SOHLH1: variants seen among roughly 807,000 people sequenced by gnomAD.
The protein encoded by SOHLH1 is spermatogenesis- and oogenesis-specific basic helix-loop-helix-containing protein 1.
In SOHLH1, 23 loss-of-function variants were observed where a neutral mutation model predicts 36.2. The ratio of observed to expected loss-of-function variants is 0.64; its 90% CI spans 0.46 to 0.90. SOHLH1 has a LOEUF of 0.90. Ranked by LOEUF, SOHLH1 falls within the 40% of genes least tolerant of loss-of-function variation. SOHLH1 has a pLI of 0.00. For synonymous variants in SOHLH1, 289 were observed against 228.3 expected (o/e 1.27, Z -2.40); for missense variants, 608 against 517.0 (o/e 1.18, Z -1.71).
upstream of SOHLH1, among the ~76,000 whole-genome samples, chr9:135,701,553 C>T (rs1432460833): frequency 6.6e-6 from 1 of 152,252 alleles, no homozygotes; most frequent in Non-Finnish European, 1.5e-5. Flanking sequence ...GCTTCCTAGT[C>T]TTTGGCCTGC....
upstream of SOHLH1, among the ~76,000 whole-genome samples, chr9:135,700,739 C>T (rs964421363): frequency 3.3e-5 from 5 of 152,102 alleles, no homozygotes; most frequent in African/African-American, 9.7e-5. Context: ...ATCCCTGCTC[C>T]GCCCAGCCTT....
intron 5 of SOHLH1, among the ~76,000 whole-genome samples, chr9:135,696,275 A>G (rs958887252): frequency 6.6e-6 from 1 of 151,246 alleles, no homozygotes; most frequent in Non-Finnish European, 1.5e-5. Flanking sequence ...CAGGGAGGAG[A>G]AGATCAGGCC....
chr9:135,696,548 C>T (rs1295000064), intron 5 of SOHLH1, 64 bp downstream of exon 5: 1 of 1,583,220 alleles, frequency 6.3e-7, no homozygotes. Context: ...GTTCTTAGGG[C>T]TAAAGCACAG....
rs1834669599 is a variant in SOHLH1 at position 135,693,460 on chromosome 9, C to T, written c.*137G>A. 1 of 1,234,318 alleles carries T rather than the reference C, an allele frequency of 8.1e-7. No homozygotes were observed. The highest frequency in any genetic ancestry group is 1.5e-5 in the African/African-American group (1 of 65,890). 76.5% of individuals were successfully genotyped at this position (1,234,318 alleles called of 1,614,324 possible). On this transcript the variant is annotated 3_prime_UTR_variant, in exon 8 of 8. Coordinates refer to ENST00000425225, the MANE Select transcript of SOHLH1 (RefSeq NM_001101677.2). ...CCTCTTTAATATTCACTATCCTCTT[C>T]TCACAGCCTGTAAGCCTCGCTCAAA...
At chr9:135,697,480 G>A in intron 4 of SOHLH1, 26 bp downstream of exon 4, 3 of 1,603,560 alleles carry the variant, frequency 1.9e-6, no homozygotes, top group Non-Finnish European at 2.5e-6. Flanking sequence ...CCCAGCCCTG[G>A]AGAGCGGGCC....
At chr9:135,697,359 A>C (rs1834844798) in intron 4 of SOHLH1, 147 bp downstream of exon 4, 2 of 1,202,762 alleles carry the variant, frequency 1.7e-6, no homozygotes, top group African/African-American at 3.0e-5. Context: ...TGGCCACCTG[A>C]GTTGGCAGGG....
chr9:135,695,190 A>C lies in SOHLH1; in HGVS notation c.735T>G (p.Pro245=). The C allele has an allele frequency of 6.2e-7, 1 of 1,604,774 alleles. No homozygotes were observed. The highest frequency in any genetic ancestry group is 8.5e-7 in the Non-Finnish European group (1 of 1,177,290). ...PKAVRPPLSW[P]PFSQQQTLPV... Reference sequence around the variant, plus strand: ...GCAAGGTCTGCTGCTGCGAGAACGGAGGCCAGGACAGGGGTGGCCTCACAG... The same window carrying C: ...GCAAGGTCTGCTGCTGCGAGAACGGCGGCCAGGACAGGGGTGGCCTCACAG... Residue 245 remains proline (P), a synonymous_variant, in exon 6 of 8, where the codon CCT becomes CCG. Coordinates refer to ENST00000425225, the MANE Select transcript of SOHLH1 (RefSeq NM_001101677.2).
At chr9:135,697,861 G>C (rs1834868382) in intron 3 of SOHLH1, among the ~76,000 whole-genome samples, 1 of 152,068 alleles carries the variant, frequency 6.6e-6, no homozygotes, top group Non-Finnish European at 1.5e-5. Context: ...CAAATGCTGG[G>C]ACCCCTGACC....
rs1218949195 is a variant in SOHLH1, at chr9:135,699,409, C to T, written c.59G>A (p.Gly20Glu). The T allele has an allele frequency of 6.2e-7, 1 of 1,611,682 alleles. No individual in the cohort carries two copies. The highest frequency in any genetic ancestry group is 1.3e-5 in the African/African-American group (1 of 74,918). ...PEVSRIPTVR[G>E]CNGSLSGALS... ...CGCCAGCCCAATTCCTCACTTGCAT[C>T]CCCTGACGGTAGGGATTCTGGAGAC... Residue 20 changes from glycine to glutamate, a missense_variant, in exon 1 of 8, where the codon GGA becomes GAA. By Grantham distance (98) the Gly-to-Glu change is moderately conservative. Coordinates refer to ENST00000425225, the MANE Select transcript of SOHLH1 (RefSeq NM_001101677.2).
Position 135,694,371 on chromosome 9 carries a change from C to G in SOHLH1, c.946+16G>C, listed in dbSNP as rs1476570889. 6 of 1,611,446 alleles carry G rather than the reference C, an allele frequency of 3.7e-6. No individual in the cohort carries two copies. The Admixed American group carries it at 5.0e-5, about 13-fold the overall frequency. On this transcript the variant is annotated intron_variant, in intron 7 of 7. Coordinates refer to ENST00000425225, the MANE Select transcript of SOHLH1 (RefSeq NM_001101677.2). ...TTACGCGGGGGGACCAGCCCTGAAC[C>G]CAGGGCCCCACTCACCCGGCCACGA...
chr9:135,695,945 G>A (rs539781035), intron 5 of SOHLH1, among the ~76,000 whole-genome samples: 69 of 152,300 alleles, frequency 4.5e-4, no homozygotes, highest in South Asian at 1.0e-3. Context: ...AGCATAGGCG[G>A]AAGGGCAGAT....
upstream of SOHLH1, among the ~76,000 whole-genome samples, chr9:135,699,726 A>T (rs1444092030): frequency 6.6e-6 from 1 of 151,962 alleles, no homozygotes; most frequent in African/African-American, 2.4e-5. Flanking sequence ...GCAGGACGCC[A>T]GGGGAAGGGG....
chr9:135,697,550 T>C lies in SOHLH1; in HGVS notation c.423A>G (p.Gln141=). The C allele has an allele frequency of 1.2e-6, 2 of 1,612,704 alleles. No individual in the cohort carries two copies. The highest frequency in any genetic ancestry group is 2.2e-5 in the South Asian group (2 of 91,072). The stretch of plus-strand genomic sequence containing the variant: ...CCGTCCCAGGGTCTGGCACACCTGC[T>C]TGAATCTGACTCGACAACGTCAACT... ...VLQLTLSSQI[Q]AGVPDPGTGA... Residue 141 remains glutamine (Q), a synonymous_variant, in exon 4 of 8, where the codon CAA becomes CAG. Transcript: ENST00000425225.
chr9:135,700,501 C>T (rs1284358465), upstream of SOHLH1, among the ~76,000 whole-genome samples: 1 of 150,414 alleles, frequency 6.6e-6, no homozygotes, highest in Non-Finnish European at 1.5e-5. Flanking sequence ...GTGCTGAGGT[C>T]GTAGCGGGAG....
rs1294143855 is a variant in SOHLH1, at chr9:135,696,723, G to A, written c.550C>T (p.Leu184Phe). The A allele has an allele frequency of 2.5e-6, 4 of 1,613,076 alleles. No individual in the cohort carries two copies. Among genetic ancestry groups the A allele is most frequent in the Non-Finnish European group, 2.5e-6 (3 of 1,180,006 alleles). Reference sequence around the variant, plus strand: ...GGGTCCCACTGCCTGGAGGACGCAAGGATGTGCGGCACGGGCTCTGGGCTG... The same window carrying A: ...GGGTCCCACTGCCTGGAGGACGCAAAGATGTGCGGCACGGGCTCTGGGCTG... ...SASPEPVPHILASSRQWDPAS... is the reference protein window; with the variant it reads ...SASPEPVPHIFASSRQWDPAS... Residue 184 changes from leucine (L) to phenylalanine (F), a missense_variant, in exon 5 of 8, where the codon CTT becomes TTT. Leu to Phe is a conservative substitution (Grantham distance 22). Coordinates refer to ENST00000425225, the MANE Select transcript of SOHLH1 (RefSeq NM_001101677.2).
At chr9:135,694,927 A>T in intron 6 of SOHLH1, 123 bp downstream of exon 6, 1 of 1,117,960 alleles carries the variant, frequency 8.9e-7, no homozygotes, top group Non-Finnish European at 1.3e-6. Flanking sequence ...GCACAGAAGC[A>T]GAGACGGAAG....
Position 135,699,411 on chromosome 9 carries a change from C to G in SOHLH1, c.57G>C (p.Arg19Ser). ...CCAGCCCAATTCCTCACTTGCATCC[C>G]CTGACGGTAGGGATTCTGGAGACCT... The part of the protein sequence containing the change: ...YPEVSRIPTV[R>S]GCNGSLSGAL... Residue 19 changes from arginine (R) to serine (S), a missense_variant, in exon 1 of 8, where the codon AGG becomes AGC. Physicochemically the swap from Arg to Ser is moderately radical, Grantham distance 110. Coordinates refer to ENST00000425225, the MANE Select transcript of SOHLH1 (RefSeq NM_001101677.2). 1.2e-6 allele frequency: 2 copies of G among 1,612,006 alleles called. No individual in the cohort carries two copies. Among genetic ancestry groups the G allele is most frequent in the Non-Finnish European group, 1.7e-6 (2 of 1,179,678 alleles).
At chr9:135,701,739 C>T (rs1714808547), upstream of SOHLH1, among the ~76,000 whole-genome samples, 1 of 152,172 alleles carries the variant, frequency 6.6e-6, no homozygotes, top group Non-Finnish European at 1.5e-5. Flanking sequence ...GGCGGGGAGT[C>T]GTCTTGAATC....
chr9:135,697,674 G>T, intron 3 of SOHLH1, 47 bp from the exon 4 acceptor site: 2 of 1,590,948 alleles, frequency 1.3e-6, no homozygotes, highest in Non-Finnish European at 1.7e-6. Context: ...ACAGTCAGCT[G>T]AGAAACCCAA....
Sources: gnomAD v4.1 joint callset for allele counts (sites outside exome capture counted in the v4.1 genomes callset) on GRCh38, gnomAD v4.1.1 for gene constraint, MANE v1.5 for transcripts, NCBI Gene and HGNC (gene_info 2026-07-23, HGNC 2026-07-21) for gene names.